ENTPD1: variants seen among roughly 807,000 people sequenced by gnomAD.
The protein encoded by ENTPD1 is ectonucleoside triphosphate diphosphohydrolase 1, also known as ATP diphosphohydrolase.
In ENTPD1, 33 loss-of-function variants were observed where a neutral mutation model predicts 57.0. That is an observed-to-expected ratio of 0.58 (90% CI 0.44 to 0.77). The LOEUF (loss-of-function observed/expected upper bound fraction) is 0.77. ENTPD1 is among the 30% of genes least tolerant of loss of function. ENTPD1 has a pLI of 0.00. For missense variants in ENTPD1, 501 were observed against 603.4 expected (o/e 0.83, Z 1.78); for synonymous variants, 202 against 218.8 (o/e 0.92, Z 0.68).
chr10:95,754,863 C>G (rs978142600), upstream of ENTPD1: 2 of 152,196 alleles, frequency 1.3e-5, no homozygotes, highest in African/African-American at 4.8e-5. Context: ...TGGCACCGTG[C>G]AAAGTAACAG....
rs1225547718 is a variant in ENTPD1, at chr10:95,872,737, C to A, written c.*6354C>A. ...GTCCACTGCCAGGCCGACTACAAAC[C>A]CTTCTGTTGCTGGCGAGCTGGTCCG... is the stretch of plus-strand genomic sequence containing the variant. On this transcript the variant is annotated 3_prime_UTR_variant, in exon 10 of 10. Coordinates refer to ENST00000371205, the MANE Select transcript of ENTPD1 (RefSeq NM_001776.6). The A allele has an allele frequency of 1.0e-6, 1 of 985,302 alleles. No individual in the cohort carries two copies. Among genetic ancestry groups the A allele is most frequent in the Non-Finnish European group, 1.2e-6 (1 of 829,936 alleles). The allele number at this position is 985,302 out of a possible 1,614,324, so 61.0% of individuals were successfully genotyped here. A position where few individuals can be genotyped will look rare whatever the true frequency, so the allele number is the denominator to read the frequency against.
chr10:95,783,125 A>G (rs932274190), intron 1 of ENTPD1, among the ~76,000 whole-genome samples: 6 of 152,124 alleles, frequency 3.9e-5, no homozygotes. Flanking sequence ...TGAATTTTGT[A>G]AACTGTTTTT....
chr10:95,755,835 A>G (rs1326532426), upstream of ENTPD1: 1 of 1,513,844 alleles, frequency 6.6e-7, no homozygotes, highest in East Asian at 2.5e-5. Context: ...TGCAGCTGAG[A>G]TGACTTTTTC....
At chr10:95,698,242 G>T in the ENTPD1 span, among the ~76,000 whole-genome samples, 1 of 152,218 alleles carries the variant, frequency 6.6e-6, no homozygotes, top group African/African-American at 2.4e-5. Context: ...CCAAACTTGA[G>T]ATTAATGAAC....
At chr10:95,826,841 T>C (rs2098379009) in intron 2 of ENTPD1, among the ~76,000 whole-genome samples, 1 of 151,956 alleles carries the variant, frequency 6.6e-6, no homozygotes, top group Admixed American at 6.6e-5. Flanking sequence ...GAGGATGAGA[T>C]ATAGGAGGAT....
At chr10:95,734,146 G>T (rs2097992059) in intron 1 of ENTPD1, among the ~76,000 whole-genome samples, 1 of 152,174 alleles carries the variant, frequency 6.6e-6, no homozygotes, top group East Asian at 1.9e-4. Context: ...GAAAGGTTGG[G>T]CAGTGAGAAT....
chr10:95,868,234 C>CT lies in ENTPD1; in HGVS notation c.*1854dup. 1.0e-6 allele frequency: 1 copy of CT among 985,474 alleles called. No individual in the cohort carries two copies. The highest frequency in any genetic ancestry group is 1.1e-4 in the East Asian group (1 of 8,822). The allele number at this position is 985,474 out of a possible 1,614,324, so 61.0% of individuals were successfully genotyped here. A position where few individuals can be genotyped will look rare whatever the true frequency, so the allele number is the denominator to read the frequency against. ...CTACCATGTACCTAACCTTTATTTT[C>CT]TTTCCCGAACATACCAGGCTGTCTC... On this transcript the variant is annotated 3_prime_UTR_variant, in exon 10 of 10. Transcript: ENST00000371205.
rs901051605 is a variant in ENTPD1, at chr10:95,822,059, G to T, written c.17-1178G>T. Among the ~76,000 whole-genome samples, 4 of 146,878 alleles carry T rather than the reference G, an allele frequency of 2.7e-5. No homozygotes were observed. In the Admixed American group the frequency reaches 2.7e-4, roughly 10 times the overall value. On this transcript the variant is annotated intron_variant, in intron 1 of 9. Coordinates refer to ENST00000371205, the MANE Select transcript of ENTPD1 (RefSeq NM_001776.6). ...TCTGTCTCCAGGCTAGAGCACAGTG[G>T]TGCAATCTTGGCTCACAGCAACCTC...
chr10:95,720,930 G>A (rs774914790), intron 1 of ENTPD1, among the ~76,000 whole-genome samples: 6 of 151,988 alleles, frequency 3.9e-5, no homozygotes, highest in Admixed American at 6.6e-5. Context: ...TTCTTATCTC[G>A]TTAGTCCAGT....
chr10:95,785,937 T>C (rs149569397), intron 1 of ENTPD1, among the ~76,000 whole-genome samples: 1 of 152,302 alleles, frequency 6.6e-6, no homozygotes, highest in Non-Finnish European at 1.5e-5. Context: ...AAGAGGATGA[T>C]TGTGAGGATG....
At chr10:95,711,888 T>C (rs2097965874) in exon 1 of ENTPD1, 2 of 1,609,596 alleles carry the variant, frequency 1.2e-6, no homozygotes, top group Non-Finnish European at 1.7e-6. Flanking sequence ...GGGGAAGTTT[T>C]CCTTGGCCCC....
the ENTPD1 span, among the ~76,000 whole-genome samples, chr10:95,698,279 A>C: frequency 4.6e-5 from 7 of 152,220 alleles, no homozygotes; most frequent in Admixed American, 1.3e-4. Context: ...AGAAATTCCT[A>C]AGCCAAATAT....
intron 1 of ENTPD1, among the ~76,000 whole-genome samples, chr10:95,821,959 A>T (rs2098353353): frequency 7.0e-6 from 1 of 143,088 alleles, no homozygotes; most frequent in Non-Finnish European, 1.5e-5. Context: ...CACTTCCTCT[A>T]TGCAATCTGT....
intron 1 of ENTPD1, among the ~76,000 whole-genome samples, chr10:95,762,395 T>G (rs1249840646): frequency 6.6e-6 from 1 of 151,516 alleles, no homozygotes; most frequent in African/African-American, 2.4e-5. Context: ...TGGCAGTTTT[T>G]TTTTTTTTTT....
At position 95,845,342 on chromosome 10, in the gene ENTPD1, T is replaced by A; in HGVS notation, c.574-15T>A. 3 of 1,614,170 alleles carry A rather than the reference T, an allele frequency of 1.9e-6. No homozygotes were observed. Among genetic ancestry groups the A allele is most frequent in the Non-Finnish European group, 2.5e-6 (3 of 1,180,028 alleles). ...TCCAGAGACTTCTAGCACTGGTAAC[T>A]GTACTGTCTTTCAGAAAACAAGGTG... On this transcript the variant is annotated splice_polypyrimidine_tract_variant and intron_variant, in intron 5 of 9. Transcript: ENST00000371205.
In ENTPD1 at chr10:95,873,848, A is replaced by T; in HGVS notation, c.*7465A>T. On this transcript the variant is annotated 3_prime_UTR_variant, in exon 10 of 10. Coordinates refer to ENST00000371205, the MANE Select transcript of ENTPD1 (RefSeq NM_001776.6). ...GTACTTCTTACGTGGTGGCATCAAG[A>T]GCAAAATGAGGAAGAAGCAAAAGCA... is the stretch of plus-strand genomic sequence containing the variant. 6.9e-6 allele frequency: 2 copies of T among 291,384 alleles called. No individual in the cohort carries two copies. The highest frequency in any genetic ancestry group is 1.0e-5 in the Non-Finnish European group (2 of 195,272). The allele number at this position is 291,384 out of a possible 1,614,324, so 18.0% of individuals were successfully genotyped here.
At chr10:95,734,961 G>C (rs2097993001) in intron 1 of ENTPD1, among the ~76,000 whole-genome samples, 1 of 152,086 alleles carries the variant, frequency 6.6e-6, no homozygotes, top group Non-Finnish European at 1.5e-5. Flanking sequence ...GGGTGGGTAG[G>C]GTTACAGGCA....
chr10:95,839,459 C>T (rs899678656), intron 2 of ENTPD1: 3 of 552,882 alleles, frequency 5.4e-6, no homozygotes, highest in Non-Finnish European at 9.8e-6. Flanking sequence ...GGGCCCTGTT[C>T]TGCATAAGGT....
chr10:95,876,743 C>A lies in ENTPD1; in HGVS notation c.*10360C>A. 1 of 845,444 alleles carries A rather than the reference C, an allele frequency of 1.2e-6. No homozygotes were observed. Among genetic ancestry groups the A allele is most frequent in the Non-Finnish European group, 1.5e-6 (1 of 657,280 alleles). The allele number at this position is 845,444 out of a possible 1,614,324, so 52.4% of individuals were successfully genotyped here. A position where few individuals can be genotyped will look rare whatever the true frequency, so the allele number is the denominator to read the frequency against. On this transcript the variant is annotated 3_prime_UTR_variant, in exon 10 of 10. Transcript: ENST00000371205. ...CAAAGTAGAAAAATATAATACACAT[C>A]CATGTGCCCATCACAGAACTTCACT...
Sources: allele counts gnomAD v4.1 joint callset (sites outside exome capture counted in the v4.1 genomes callset), GRCh38; gene constraint gnomAD v4.1.1; transcripts MANE v1.5; gene names NCBI Gene and HGNC (gene_info 2026-07-23, HGNC 2026-07-21).